Variants in ENO4 observed in about 807,000 individuals in gnomAD.
ENO4 encodes the protein 2-phospho-D-glycerate hydro-lyase.
ENO4 carries 53 observed loss-of-function variants against 63.2 expected under a neutral mutation model. That is an observed-to-expected ratio of 0.84 (90% CI 0.67 to 1.05). ENO4 has a LOEUF of 1.05. ENO4 is among the 50% of genes least tolerant of loss of function. The pLI, the probability that ENO4 is intolerant of heterozygous loss-of-function variation, is 0.00. For missense variants in ENO4, 719 were observed against 772.0 expected, an observed-to-expected ratio of 0.93 and a Z score of 0.81; for synonymous variants, 266 against 283.8, an observed-to-expected ratio of 0.94 and a Z score of 0.63.
intron 10 of ENO4, among the ~76,000 whole-genome samples, chr10:116,908,070 T>C (rs1184093435): frequency 1.3e-5 from 2 of 152,272 alleles, no homozygotes; most frequent in East Asian, 3.9e-4. Context: ...TATTAAGAGA[T>C]TATGTTATTT....
Position 116,849,703 on chromosome 10 carries a change from T to A in ENO4, c.137T>A (p.Leu46His). 6.5e-7 allele frequency: 1 copy of A among 1,538,756 alleles called. No homozygotes were observed. Among genetic ancestry groups the A allele is most frequent in the Non-Finnish European group, 8.8e-7 (1 of 1,140,922 alleles). The change falls in exon 1 of 14, where the codon CTC becomes CAC. Residue 46 changes from leucine to histidine, a missense_variant. Leu to His is a moderately conservative substitution (Grantham distance 99). Coordinates refer to ENST00000341276, the MANE Select transcript of ENO4 (RefSeq NM_001242699.2). ...GAGCTGCTCAACTCCACCTTCTACC[T>A]CCAGCCTGCCGACGTCTACGGGCAC... ...LEELLNSTFYLQPADVYGHLA... is the reference protein window; with the variant it reads ...LEELLNSTFYHQPADVYGHLA...
chr10:116,858,537 G>A (rs958073886), intron 3 of ENO4, among the ~76,000 whole-genome samples: 3 of 152,010 alleles, frequency 2.0e-5, no homozygotes, highest in African/African-American at 7.2e-5. Context: ...ATCTAAGTGG[G>A]ATTTCCAAAA....
chr10:116,856,846 G>A (rs554303745), intron 3 of ENO4, among the ~76,000 whole-genome samples, 164 bp downstream of exon 3: 3 of 152,258 alleles, frequency 2.0e-5, no homozygotes, highest in Admixed American at 6.5e-5. Flanking sequence ...AAAATTAGCC[G>A]GGCATGGTGG....
chr10:116,859,083 AGT>A lies in ENO4; in HGVS notation c.580_581del (p.Val194ThrfsTer35). 4 of 1,535,142 alleles carry A rather than the reference AGT, an allele frequency of 2.6e-6. No individual in the cohort carries two copies. The highest frequency in any genetic ancestry group is 2.6e-6 in the Non-Finnish European group (3 of 1,146,258). On this transcript the variant is annotated frameshift_variant, in exon 4 of 14. Transcript: ENST00000341276. LOFTEE classifies it high-confidence loss of function. ...CAACAGTGCCTACACCTCTACCTCC[AGT>A]ACCACCACCACCACCCCCTCCACCT... The part of the protein sequence containing the change: ...YSTVPTPLPP[V>X]PPPPPPPPPT...
At position 116,876,094 on chromosome 10, in the gene ENO4, C is replaced by G. The variant is rs145012130; in HGVS notation, c.1371C>G (p.His457Gln). Reference protein sequence around the residue: ...EDSEQWDSIYHALGSRCYIIA... With the variant: ...EDSEQWDSIYQALGSRCYIIA... ...CTGAACAGTGGGACAGCATCTATCA[C>G]GCACTTGGTTCCAGGTGTTACATAA... Residue 457 changes from histidine to glutamine, a missense_variant, in exon 11 of 14, where the codon CAC becomes CAG. His to Gln is a conservative substitution (Grantham distance 24, BLOSUM62 0). Transcript: ENST00000341276. 2,513 of 1,549,222 alleles carry G rather than the reference C, an allele frequency of 1.6e-3. 17 individuals carry two copies. In the East Asian group the frequency reaches 0.019, roughly 12 times the overall value.
chr10:116,911,652 T>G, exon 11 of ENO4: 1 of 1,566,204 alleles, frequency 6.4e-7, no homozygotes, highest in South Asian at 1.2e-5. Flanking sequence ...GTAAGCACGA[T>G]CAAATAAACT....
At chr10:116,870,724 G>A (rs1727937489) in intron 8 of ENO4, among the ~76,000 whole-genome samples, 2 of 152,294 alleles carry the variant, frequency 1.3e-5, no homozygotes, top group East Asian at 1.9e-4. Context: ...CAGAACATAC[G>A]AAAGAGCAGG....
At chr10:116,906,544 A>G in intron 10 of ENO4, 1 of 1,352,874 alleles carries the variant, frequency 7.4e-7, no homozygotes, top group Non-Finnish European at 1.0e-6. Context: ...ACTTTTTAAA[A>G]GATTGTTTCA....
chr10:116,866,141 T>C (rs1174104668), intron 7 of ENO4, among the ~76,000 whole-genome samples: 2 of 152,196 alleles, frequency 1.3e-5, no homozygotes, highest in African/African-American at 4.8e-5. Context: ...TCAAACACTT[T>C]TATAGTTTCA....
chr10:116,871,326 T>G, intron 9 of ENO4, 34 bp downstream of exon 9: 1 of 1,498,080 alleles, frequency 6.7e-7, no homozygotes, highest in East Asian at 2.5e-5. Flanking sequence ...CACTTCCTAT[T>G]GAGATCCATG....
chr10:116,899,522 TGTGTGTGTGTGTGTGTGTGTGTGTGAGA>T (rs1179440501), intron 10 of ENO4, among the ~76,000 whole-genome samples: 122 of 84,976 alleles, frequency 1.4e-3, no homozygotes, highest in Non-Finnish European at 2.0e-3. Flanking sequence ...TGTGTGTGTG[TGTGTGTGTGTGTGTGTGTGTGTGTGAGA>T]GAGTGCATGC....
intron 10 of ENO4, among the ~76,000 whole-genome samples, chr10:116,911,337 T>C (rs922802081): frequency 1.3e-5 from 2 of 152,248 alleles, no homozygotes; most frequent in Non-Finnish European, 2.9e-5. Flanking sequence ...AATAATTGTT[T>C]CGACTGTGAG....
At chr10:116,850,898 G>A (rs1169367035) in intron 1 of ENO4, among the ~76,000 whole-genome samples, 5 of 152,156 alleles carry the variant, frequency 3.3e-5, no homozygotes, top group Admixed American at 3.3e-4. Context: ...CCACATTTGT[G>A]TCCCTAGTAC....
intron 10 of ENO4, chr10:116,906,645 C>T (rs1252443145): frequency 2.5e-6 from 4 of 1,613,112 alleles, no homozygotes; most frequent in Non-Finnish European, 3.4e-6. Context: ...TCTGCTTCTG[C>T]TGTCACCTTT....
intron 10 of ENO4, chr10:116,900,575 C>G: frequency 6.5e-7 from 1 of 1,534,000 alleles, no homozygotes; most frequent in Non-Finnish European, 8.7e-7. Context: ...AATCTATACA[C>G]ACACACTGAA....
chr10:116,904,823 T>C (rs2133332108), intron 10 of ENO4, among the ~76,000 whole-genome samples: 1 of 152,302 alleles, frequency 6.6e-6, no homozygotes, highest in South Asian at 2.1e-4. Flanking sequence ...AGTAACAATG[T>C]TTCTGGAGAA....
intron 4 of ENO4, 122 bp from the exon 5 acceptor site, chr10:116,860,672 G>T (rs1209047305): frequency 1.0e-5 from 7 of 681,836 alleles, no homozygotes; most frequent in Non-Finnish European, 1.5e-5. Context: ...ACTTTTTGGG[G>T]GTTGAGGTAG....
intron 10 of ENO4, among the ~76,000 whole-genome samples, chr10:116,896,334 T>C (rs957383108): frequency 6.6e-6 from 1 of 152,194 alleles, no homozygotes; most frequent in Non-Finnish European, 1.5e-5. Context: ...GCTTGACTTA[T>C]GTTTCAGAAA....
At chr10:116,901,727 C>T (rs1847744800) in intron 10 of ENO4, 2 of 1,503,148 alleles carry the variant, frequency 1.3e-6, no homozygotes, top group Non-Finnish European at 1.8e-6. Context: ...ATTACAGATT[C>T]TTCTATACAC....
Sources: allele counts gnomAD v4.1 joint callset (sites outside exome capture counted in the v4.1 genomes callset), GRCh38; gene constraint gnomAD v4.1.1; transcripts MANE v1.5; gene names NCBI Gene and HGNC (gene_info 2026-07-23, HGNC 2026-07-21).